FHDC1: variants seen among roughly 807,000 people sequenced by gnomAD.
FHDC1 encodes FH2 domain containing 1.
A neutral mutation model predicts 52.6 loss-of-function variants in FHDC1; 25 were observed. The ratio of observed to expected loss-of-function variants is 0.48; its 90% CI spans 0.35 to 0.66. FHDC1 has a LOEUF of 0.66. Ranked by LOEUF, FHDC1 falls within the 30% of genes least tolerant of loss-of-function variation. The probability of loss-of-function intolerance (pLI) is 0.01; values close to 1 mark genes in which losing one functional copy is unlikely to be tolerated. For missense variants in FHDC1, 1,459 were observed against 1,452.8 expected (o/e 1.00, Z -0.07); for synonymous variants, 616 against 581.5 (o/e 1.06, Z -0.85).
In FHDC1 at chr4:152,964,922, T is replaced by C. The variant is rs1372242382; in HGVS notation, c.1047T>C (p.Asp349=). 7 of 1,612,398 alleles carry C rather than the reference T, an allele frequency of 4.3e-6. No homozygotes were observed. In the Admixed American group the frequency reaches 8.4e-5, roughly 19 times the overall value. The change falls in exon 9 of 12, where the codon GAT becomes GAC. Residue 349 remains aspartate (D), a synonymous_variant. Transcript: ENST00000511601. ...TGTTCCAGGAAGCCCAAAAGAAAGA[T>C]ACCATTCTTCTAAACTTTTCAGAAA... is the stretch of plus-strand genomic sequence containing the variant. ...HFVAQEAQKK[D]TILLNFSEKL...
intron 2 of FHDC1, among the ~76,000 whole-genome samples, chr4:152,949,459 G>T (rs1302510493): frequency 6.6e-6 from 1 of 152,148 alleles, no homozygotes; most frequent in East Asian, 1.9e-4. Context: ...CAGCCTAGGT[G>T]ACAGAGCAAG....
chr4:152,954,591 G>A (rs897415708), intron 4 of FHDC1, among the ~76,000 whole-genome samples: 1 of 152,090 alleles, frequency 6.6e-6, no homozygotes, highest in East Asian at 1.9e-4. Flanking sequence ...GGAGGCTGGG[G>A]TATGACAATT....
In FHDC1 at chr4:152,974,753, G is replaced by A. The variant is rs764200866; in HGVS notation, c.1462G>A (p.Ala488Thr). 2 of 1,526,718 alleles carry A rather than the reference G, an allele frequency of 1.3e-6. No individual in the cohort carries two copies. Among genetic ancestry groups the A allele is most frequent in the African/African-American group, 2.8e-5 (2 of 72,232 alleles). The allele number at this position is 1,526,718 out of a possible 1,614,324, so 94.6% of individuals were successfully genotyped here. Residue 488 changes from alanine (A) to threonine (T), a missense_variant, in exon 12 of 12, where the codon GCA (alanine) becomes ACA (threonine). Around this residue, in one of 3 missense-constraint regions of FHDC1, gnomAD observed 513 missense variants for 581.5 expected, o/e 0.88. Transcript: ENST00000511601. ...KEQEQKQRSW[A>T]TGELGAFGRS... is the part of the protein sequence containing the mutation. ...GCAGGAGCAGAAGCAGCGCTCCTGG[G>A]CAACTGGGGAGCTGGGGGCATTTGG...
At chr4:152,944,864 G>A (rs1019716459) in intron 2 of FHDC1, among the ~76,000 whole-genome samples, 1 of 152,230 alleles carries the variant, frequency 6.6e-6, no homozygotes, top group Non-Finnish European at 1.5e-5. Context: ...ATTGGAAGGA[G>A]CAAGAAGTCA....
In FHDC1 at chr4:152,954,911, G is replaced by T. The variant is rs1411950862; in HGVS notation, c.663+592G>T. On this transcript the variant is annotated intron_variant, in intron 4 of 11. Coordinates refer to ENST00000511601, the MANE Select transcript of FHDC1 (RefSeq NM_001371116.1). ...GAACTTTAGTTTCCTCACCTGTAAA[G>T]GGAGGATAATGATGCTGACCTCATT... Among the ~76,000 whole-genome samples the T allele has an allele frequency of 2.0e-5, 3 of 152,128 alleles. No homozygotes were observed. In the East Asian group the frequency reaches 5.8e-4, roughly 29 times the overall value.
In FHDC1 at chr4:152,949,124, TAAGAAGAAGAAGAAG is replaced by T. The variant is rs201070214; in HGVS notation, c.499-4341_499-4327del. 4.0e-3 allele frequency among the ~76,000 whole-genome samples: 302 copies of T among 74,660 alleles called. 1 individual carries two copies. Among genetic ancestry groups the T allele is most frequent in the African/African-American group, 0.011 (227 of 19,830 alleles). 49.0% of individuals were successfully genotyped at this position (74,660 alleles called of 152,430 possible). On this transcript the variant is annotated intron_variant, in intron 2 of 11. Transcript: ENST00000511601. ...ATAATAATAATAATAATAATAATAATAAGAAGAAGAAGAAGAAGAAGAAGAAGAAGAAGAAGAAGA... is the reference window on the plus strand; with the variant it reads ...ATAATAATAATAATAATAATAATAATAAGAAGAAGAAGAAGAAGAAGAAGA...
the FHDC1 span, among the ~76,000 whole-genome samples, chr4:152,923,743 A>G: frequency 6.8e-4 from 103 of 152,200 alleles, no homozygotes; most frequent in African/African-American, 2.4e-3. Context: ...CCTGAGAAAA[A>G]CAAGCAATGG....
chr4:152,975,861 A>T lies in FHDC1; in HGVS notation c.2570A>T (p.Lys857Ile), dbSNP rs769567910. Residue 857 changes from lysine (K) to isoleucine (I), a missense_variant, in exon 12 of 12, where the codon AAA becomes ATA. Lys to Ile is a moderately radical substitution (Grantham distance 102). Transcript: ENST00000511601. ...GLPRDKPTKR[K>I]DVVAPKRGSL... ...CCCAGGGACAAACCCACCAAAAGGA[A>T]AGATGTTGTAGCACCAAAGAGAGGC... is the stretch of plus-strand genomic sequence containing the variant. The T allele has an allele frequency of 9.2e-6, 14 of 1,514,684 alleles. No individual in the cohort carries two copies. In the East Asian group the frequency reaches 3.2e-4, roughly 34 times the overall value. The allele number at this position is 1,514,684 out of a possible 1,614,324, so 93.8% of individuals were successfully genotyped here. A position where few individuals can be genotyped will look rare whatever the true frequency, so the allele number is the denominator to read the frequency against.
At chr4:152,955,391 C>A (rs1445596944) in intron 4 of FHDC1, among the ~76,000 whole-genome samples, 1 of 152,138 alleles carries the variant, frequency 6.6e-6, no homozygotes, top group Admixed American at 6.5e-5. Flanking sequence ...GAAAAAATTC[C>A]TTGAAAAATT....
In FHDC1 at chr4:152,977,622, A is replaced by C. The variant is rs1254131823; in HGVS notation, c.*899A>C. ...CACGCCTGGTTAATTGTTTTTTTTTAATTTATCTTTTGTAGAGATGGGATC... is the reference window on the plus strand; with the variant it reads ...CACGCCTGGTTAATTGTTTTTTTTTCATTTATCTTTTGTAGAGATGGGATC... On this transcript the variant is annotated 3_prime_UTR_variant, in exon 12 of 12. Coordinates refer to ENST00000511601, the MANE Select transcript of FHDC1 (RefSeq NM_001371116.1). 2 of 150,642 alleles carry C rather than the reference A, an allele frequency of 1.3e-5. No individual in the cohort carries two copies. The highest frequency in any genetic ancestry group is 3.0e-5 in the Non-Finnish European group (2 of 67,686). 9.3% of individuals were successfully genotyped at this position (150,642 alleles called of 1,614,324 possible).
intron 2 of FHDC1, among the ~76,000 whole-genome samples, chr4:152,945,971 A>G (rs1739719925): frequency 6.6e-6 from 1 of 152,196 alleles, no homozygotes; most frequent in African/African-American, 2.4e-5. Flanking sequence ...CCTCCTGTAG[A>G]TGGAATCATA....
intron 2 of FHDC1, among the ~76,000 whole-genome samples, chr4:152,949,140 A>AAGAAGAAGG (rs1739840531): frequency 1.3e-5 from 1 of 74,492 alleles, no homozygotes; most frequent in Admixed American, 1.5e-4. Context: ...GAAGAAGAAG[A>AAGAAGAAGG]AGAAGAAGAA....
chr4:152,922,089 A>T, the FHDC1 span, among the ~76,000 whole-genome samples: 1 of 152,222 alleles, frequency 6.6e-6, no homozygotes. Context: ...TGAAAGGATC[A>T]ACAAATTGAT....
Position 152,974,855 on chromosome 4 carries a change from A to G in FHDC1, c.1564A>G (p.Arg522Gly). The change falls in exon 12 of 12, where the codon AGG (arginine) becomes GGG (glycine). Residue 522 changes from arginine to glycine, a missense_variant. Physicochemically the swap from Arg to Gly is moderately radical, Grantham distance 125 (BLOSUM62 -2). Around this residue, in one of 3 missense-constraint regions of FHDC1, gnomAD observed 939 missense variants for 854.5 expected, o/e 1.10. Coordinates refer to ENST00000511601, the MANE Select transcript of FHDC1 (RefSeq NM_001371116.1). ...GGGCCTGCTCCCTTTCCTGCACCCC[A>G]GGCCCATCAGCCCCTCCAGCCCCTC... ...AEGLLPFLHP[R>G]PISPSSPSYR... 6.2e-7 allele frequency: 1 copy of G among 1,605,196 alleles called. No homozygotes were observed. Among genetic ancestry groups the G allele is most frequent in the East Asian group, 2.2e-5 (1 of 44,646 alleles).
chr4:152,942,013 A>T (rs1739587036), intron 1 of FHDC1, among the ~76,000 whole-genome samples: 1 of 152,208 alleles, frequency 6.6e-6, no homozygotes, highest in Non-Finnish European at 1.5e-5. Flanking sequence ...ACAGCCCAGC[A>T]TGAAAAACAA....
chr4:152,966,662 A>G (rs779436923), intron 9 of FHDC1, among the ~76,000 whole-genome samples: 3 of 152,128 alleles, frequency 2.0e-5, no homozygotes, highest in Non-Finnish European at 4.4e-5. Context: ...GGGTTTCACC[A>G]TACTGGCCAG....
At chr4:152,955,483 A>G (rs1253357716) in intron 4 of FHDC1, among the ~76,000 whole-genome samples, 1 of 152,236 alleles carries the variant, frequency 6.6e-6, no homozygotes, top group African/African-American at 2.4e-5. Flanking sequence ...CTTTATAAGT[A>G]AAAGTAATAG....
chr4:152,915,071 T>C, the FHDC1 span, among the ~76,000 whole-genome samples: 1 of 152,192 alleles, frequency 6.6e-6, no homozygotes, highest in East Asian at 1.9e-4. Flanking sequence ...GATTTCTGAT[T>C]CTATGTTAGG....
the FHDC1 span, among the ~76,000 whole-genome samples, chr4:152,928,395 T>G: frequency 6.6e-6 from 1 of 152,210 alleles, no homozygotes; most frequent in Non-Finnish European, 1.5e-5. Context: ...GTGTTTGGTT[T>G]CTCGTTCTAC....
Sources: gnomAD v4.1 joint callset for allele counts (sites outside exome capture counted in the v4.1 genomes callset) on GRCh38, gnomAD v4.1.1 for gene constraint, gnomAD v4.1.1 regional missense constraint, MANE v1.5 for transcripts, NCBI Gene and HGNC (gene_info 2026-07-23, HGNC 2026-07-21) for gene names.